The following XKR6 variants were observed in gnomAD, a reference collection of about 807,000 sequenced individuals.
XKR6 encodes the protein XK related 6.
A neutral mutation model predicts 56.7 loss-of-function variants in XKR6; 22 were observed. That is an observed-to-expected ratio of 0.39 (90% CI 0.28 to 0.55). The LOEUF (loss-of-function observed/expected upper bound fraction) is 0.55. Ranked by LOEUF, XKR6 falls within the 20% of genes least tolerant of loss-of-function variation. The pLI is 0.66. For synonymous variants in XKR6, 524 were observed against 387.8 expected, an observed-to-expected ratio of 1.35 and a Z score of -4.13; for missense variants, 852 against 889.0, an observed-to-expected ratio of 0.96 and a Z score of 0.53.
At chr8:10,946,508 G>A (rs1266634221) in intron 1 of XKR6, among the ~76,000 whole-genome samples, 1 of 151,896 alleles carries the variant, frequency 6.6e-6, no homozygotes, top group South Asian at 2.1e-4. Flanking sequence ...ACACTAAGGA[G>A]GTTCTTCATC....
At chr8:11,072,643 A>G (rs1345376188) in intron 1 of XKR6, among the ~76,000 whole-genome samples, 1 of 152,222 alleles carries the variant, frequency 6.6e-6, no homozygotes, top group Non-Finnish European at 1.5e-5. Flanking sequence ...GGTGGGGGCC[A>G]CCCCTGCCAG....
intron 1 of XKR6, among the ~76,000 whole-genome samples, chr8:10,935,518 CTT>C (rs1285892433): frequency 6.8e-5 from 9 of 131,886 alleles, no homozygotes; most frequent in Non-Finnish European, 1.3e-4. Flanking sequence ...ATCTTTCCTG[CTT>C]TCTCTTGTGG....
intron 1 of XKR6, among the ~76,000 whole-genome samples, chr8:11,103,272 G>A (rs1798552545): frequency 6.6e-6 from 1 of 152,166 alleles, no homozygotes; most frequent in South Asian, 2.1e-4. Flanking sequence ...AATTGCTTAT[G>A]CTGGTAGTGT....
intron 1 of XKR6, among the ~76,000 whole-genome samples, chr8:10,984,405 A>G (rs1021830146): frequency 3.9e-5 from 6 of 152,328 alleles, no homozygotes; most frequent in African/African-American, 1.4e-4. Flanking sequence ...TCTATTATCA[A>G]TACAGATTTT....
In XKR6 at chr8:11,089,823, C is replaced by G. The variant is rs1047673845; in HGVS notation, c.764+110753G>C. Among the ~76,000 whole-genome samples, 10 of 152,120 alleles carry G rather than the reference C, an allele frequency of 6.6e-5. 1 individual carries two copies. Among genetic ancestry groups the G allele is most frequent in the African/African-American group, 2.4e-4 (10 of 41,398 alleles). ...CGTCATCTTCCCCTTCCTGGAGGAG[C>G]CGCTATACTGAATTTTTTGTTAATC... On this transcript the variant is annotated intron_variant, in intron 1 of 2. Coordinates refer to ENST00000416569, the MANE Select transcript of XKR6 (RefSeq NM_173683.4).
At chr8:11,144,445 G>T (rs1490086886) in intron 1 of XKR6, among the ~76,000 whole-genome samples, 1 of 151,740 alleles carries the variant, frequency 6.6e-6, no homozygotes, top group African/African-American at 2.4e-5. Context: ...GAAGCAGGAA[G>T]TAGACTCAAA....
At chr8:11,192,222 G>A (rs1024730549) in intron 1 of XKR6, among the ~76,000 whole-genome samples, 3 of 151,868 alleles carry the variant, frequency 2.0e-5, no homozygotes, top group African/African-American at 4.8e-5. Flanking sequence ...GCAGTGGCAC[G>A]ATCTGGGCTC....
intron 1 of XKR6, among the ~76,000 whole-genome samples, chr8:11,121,087 G>A (rs1310008981): frequency 6.6e-6 from 1 of 152,162 alleles, no homozygotes; most frequent in Non-Finnish European, 1.5e-5. Context: ...AAAAACCCTA[G>A]AAGAAAACCT....
chr8:10,927,611 G>A (rs1800930318), intron 1 of XKR6, among the ~76,000 whole-genome samples: 1 of 152,168 alleles, frequency 6.6e-6, no homozygotes, highest in Admixed American at 6.5e-5. Flanking sequence ...GGCAAAGGGA[G>A]CACCAGTTCT....
chr8:10,924,303 T>C (rs1231975392), intron 2 of XKR6, among the ~76,000 whole-genome samples: 1 of 152,244 alleles, frequency 6.6e-6, no homozygotes, highest in Non-Finnish European at 1.5e-5. Context: ...GATGTGCAAA[T>C]GCCTGGCTCA....
At chr8:11,066,368 C>A (rs993937984) in intron 1 of XKR6, among the ~76,000 whole-genome samples, 7 of 152,236 alleles carry the variant, frequency 4.6e-5, no homozygotes, top group Admixed American at 1.3e-4. Flanking sequence ...CATTTCTGTC[C>A]CTGGTGAAAC....
At chr8:10,995,738 C>G (rs1010760499) in intron 1 of XKR6, among the ~76,000 whole-genome samples, 29 of 150,474 alleles carry the variant, frequency 1.9e-4, no homozygotes, top group African/African-American at 5.9e-4. Context: ...CAAGGCTGAA[C>G]TAGAAATCAG....
rs78890029 is a variant in XKR6, at chr8:11,195,386, T to A, written c.764+5190A>T. On this transcript the variant is annotated intron_variant, in intron 1 of 2. Transcript: ENST00000416569. ...ATCATGTTAAATAATTCTTTTTCTA[T>A]CCACTGATTAGCAATGCCACCTTTA... Among the ~76,000 whole-genome samples, 375 of 152,332 alleles carry A rather than the reference T, an allele frequency of 2.5e-3. 6 individuals are homozygous for A. Among genetic ancestry groups the A allele is most frequent in the East Asian group, 0.018 (94 of 5,192 alleles).
rs142947110 is a variant in XKR6, at chr8:11,192,466, C to T, written c.764+8110G>A. On this transcript the variant is annotated intron_variant, in intron 1 of 2. Coordinates refer to ENST00000416569, the MANE Select transcript of XKR6 (RefSeq NM_173683.4). Reference sequence around the variant, plus strand: ...CCTGGCCTACAAAAATCTTTTTAAACGAGTAAAGCATGGTGGCACACGCCT... The same window carrying T: ...CCTGGCCTACAAAAATCTTTTTAAATGAGTAAAGCATGGTGGCACACGCCT... Among the ~76,000 whole-genome samples the T allele has an allele frequency of 3.3e-5, 5 of 152,066 alleles. No homozygotes were observed. The East Asian group carries it at 5.9e-4, about 18-fold the overall frequency.
chr8:11,145,311 G>A lies in XKR6; in HGVS notation c.764+55265C>T, dbSNP rs141872030. The stretch of plus-strand genomic sequence containing the variant: ...TGGTTCCAAATGTTTCAGATAAGGA[G>A]GACTCAGTCTGCACCAGAAACGTCT... On this transcript the variant is annotated intron_variant, in intron 1 of 2. Transcript: ENST00000416569. Among the ~76,000 whole-genome samples, 69 of 152,222 alleles carry A rather than the reference G, an allele frequency of 4.5e-4. No individual in the cohort carries two copies. In the South Asian group the frequency reaches 8.9e-3, roughly 20 times the overall value.
In XKR6 at chr8:11,200,636, C is replaced by A; in HGVS notation, c.704G>T (p.Arg235Leu). The A allele has an allele frequency of 6.4e-7, 1 of 1,551,448 alleles. No individual in the cohort carries two copies. Among genetic ancestry groups the A allele is most frequent in the Non-Finnish European group, 8.6e-7 (1 of 1,159,440 alleles). The change falls in exon 1 of 3, where the codon CGC becomes CTC. Residue 235 changes from arginine (R) to leucine (L), a missense_variant. Arg to Leu is a moderately radical substitution (Grantham distance 102). Transcript: ENST00000416569. The surrounding 1 kb of genome is among the most constrained non-coding windows in gnomAD (Gnocchi z 6.4). ...CGACTGCCAGATCCACACGGAGAGG[C>A]GACACAGGCGCTGCGCCCCCGGCGT... ...SPTPGAQRLC[R>L]LSVWIWQSVI... is the part of the protein sequence containing the mutation.
intron 1 of XKR6, among the ~76,000 whole-genome samples, chr8:11,019,027 C>T (rs952172469): frequency 1.3e-5 from 2 of 152,196 alleles, no homozygotes; most frequent in African/African-American, 2.4e-5. Context: ...CCCCCTCACC[C>T]ACTCCCCCAG....
In XKR6 at chr8:10,949,606, T is replaced by C. The variant is rs1801658460; in HGVS notation, c.765-24776A>G. ...CGAGGCTAGCGGGGTACACCGTTAG[T>C]GCCCTAACAGGGGAATGTGACTGAA... On this transcript the variant is annotated intron_variant, in intron 1 of 2. Transcript: ENST00000416569. 2.6e-5 allele frequency among the ~76,000 whole-genome samples: 4 copies of C among 152,234 alleles called. No individual in the cohort carries two copies. In the South Asian group the frequency reaches 8.3e-4, roughly 31 times the overall value.
At chr8:10,996,690 G>T (rs1367185310) in intron 1 of XKR6, among the ~76,000 whole-genome samples, 1 of 152,158 alleles carries the variant, frequency 6.6e-6, no homozygotes, top group Non-Finnish European at 1.5e-5. Flanking sequence ...ATAAAAAAGG[G>T]GCTGGCTTTA....
Sources: gnomAD v4.1 joint callset for allele counts (sites outside exome capture counted in the v4.1 genomes callset) on GRCh38, gnomAD v4.1.1 for gene constraint, Gnocchi (gnomAD v3.1) non-coding constraint, MANE v1.5 for transcripts, NCBI Gene and HGNC (gene_info 2026-07-23, HGNC 2026-07-21) for gene names.